PITPNM2: variants seen among roughly 807,000 people sequenced by gnomAD.
PITPNM2 encodes phosphatidylinositol transfer protein membrane associated 2, also known as membrane-associated phosphatidylinositol transfer protein 2.
In PITPNM2, 35 loss-of-function variants were observed where a neutral mutation model predicts 132.2. That is an observed-to-expected ratio of 0.26 (90% CI 0.20 to 0.35). PITPNM2 has a LOEUF of 0.35. Ranked by LOEUF, PITPNM2 falls within the 10% of genes least tolerant of loss-of-function variation. PITPNM2 has a pLI of 1.00. For missense variants in PITPNM2, 1,332 were observed against 1,912.0 expected (o/e 0.70, Z 5.66); for synonymous variants, 738 against 799.2 (o/e 0.92, Z 1.29).
intron 2 of PITPNM2, among the ~76,000 whole-genome samples, chr12:123,066,542 A>T (rs2041422223): frequency 6.6e-6 from 1 of 152,138 alleles, no homozygotes; most frequent in Non-Finnish European, 1.5e-5. Flanking sequence ...CTCTGAGACA[A>T]GCACAGACTG....
chr12:123,125,355 A>T (rs1039259388), intron 1 of PITPNM2, among the ~76,000 whole-genome samples: 3 of 152,208 alleles, frequency 2.0e-5, no homozygotes, highest in Non-Finnish European at 4.4e-5. Context: ...AGGTAGAAGC[A>T]AAAACAAATA....
Position 123,013,823 on chromosome 12 carries a change from C to A in PITPNM2, c.293+5G>T. The A allele has an allele frequency of 6.2e-7, 1 of 1,613,108 alleles. No homozygotes were observed. The highest frequency in any genetic ancestry group is 1.1e-5 in the South Asian group (1 of 91,068). On this transcript the variant is annotated splice_donor_5th_base_variant and intron_variant, in intron 4 of 25. Coordinates refer to ENST00000320201, the MANE Select transcript of PITPNM2 (RefSeq NM_020845.3). The stretch of plus-strand genomic sequence containing the variant: ...GGAGGCACATGGAGGCCAAAGCAGG[C>A]GCACCTGGTTCGGGTGTAGGGGTAG...
At chr12:123,052,808 A>T (rs2040906737) in intron 2 of PITPNM2, among the ~76,000 whole-genome samples, 1 of 149,598 alleles carries the variant, frequency 6.7e-6, no homozygotes. Flanking sequence ...TTTTAAGTGA[A>T]ACCAGCCTGT....
At chr12:123,076,699 C>T (rs2041801788) in intron 2 of PITPNM2, among the ~76,000 whole-genome samples, 2 of 152,212 alleles carry the variant, frequency 1.3e-5, no homozygotes, top group Admixed American at 1.3e-4. Flanking sequence ...TCAGAGTTGA[C>T]TATGGGTTCC....
At chr12:123,101,580 C>T (rs1192453843) in intron 2 of PITPNM2, among the ~76,000 whole-genome samples, 2 of 152,204 alleles carry the variant, frequency 1.3e-5, no homozygotes, top group East Asian at 3.8e-4. Flanking sequence ...TTTATTTTTA[C>T]GTCCAGCACA....
Position 123,053,630 on chromosome 12 carries a change from T to C in PITPNM2, c.-95-18945A>G, listed in dbSNP as rs563973698. On this transcript the variant is annotated intron_variant, in intron 2 of 25. Transcript: ENST00000320201. ...TTGCCCAGCCTGGAGTGCAATGGCG[T>C]GATCTCGGCTCACCAAAACCTCCAC... Among the ~76,000 whole-genome samples, 20 of 148,200 alleles carry C rather than the reference T, an allele frequency of 1.3e-4. 1 individual carries two copies. The South Asian group carries it at 3.4e-3, about 25-fold the overall frequency.
At chr12:123,042,297 G>C (rs2040510487) in intron 2 of PITPNM2, among the ~76,000 whole-genome samples, 1 of 152,172 alleles carries the variant, frequency 6.6e-6, no homozygotes, top group African/African-American at 2.4e-5. Context: ...ATGTGATGAA[G>C]ACTTAAAGTG....
At position 123,004,126 on chromosome 12, in the gene PITPNM2, C is replaced by T. The variant is rs984032512; in HGVS notation, c.1048+268G>A. 2.6e-5 allele frequency among the ~76,000 whole-genome samples: 4 copies of T among 152,124 alleles called. No homozygotes were observed. Among genetic ancestry groups the T allele is most frequent in the African/African-American group, 9.7e-5 (4 of 41,408 alleles). ...GTATCCTTATTTGGGGTTTCAAGAG[C>T]GCAGTCCCCATCTGCCAGGCCCACA... On this transcript the variant is annotated intron_variant, in intron 8 of 25. Transcript: ENST00000320201. The surrounding 1 kb of genome is among the most constrained non-coding windows in gnomAD (Gnocchi z 4.9).
At chr12:123,116,708 T>C (rs2042943148) in intron 1 of PITPNM2, among the ~76,000 whole-genome samples, 1 of 149,768 alleles carries the variant, frequency 6.7e-6, no homozygotes, top group South Asian at 2.1e-4. Flanking sequence ...GGTGGCAGCC[T>C]GGATGCTTCT....
Position 123,022,390 on chromosome 12 carries a change from A to G in PITPNM2, c.79-8348T>C, listed in dbSNP as rs1339440567. ...TCAGACACCAGCGCTCCTCGTGCAC[A>G]CTAGGGCTGAGACTCAGATAGCGGC... is the stretch of plus-strand genomic sequence containing the variant. On this transcript the variant is annotated intron_variant, in intron 3 of 25. Transcript: ENST00000320201. This position sits in a 1 kb window ranked among gnomAD's most constrained non-coding sequence, Gnocchi z 4.9. 6.6e-6 allele frequency among the ~76,000 whole-genome samples: 1 copy of G among 152,120 alleles called. No homozygotes were observed. The highest frequency in any genetic ancestry group is 1.5e-5 in the Non-Finnish European group (1 of 68,006).
rs2040274905 is a variant in PITPNM2 at position 123,036,556 on chromosome 12, T to A, written c.-95-1871A>T. On this transcript the variant is annotated intron_variant, in intron 2 of 25. Transcript: ENST00000320201. This position sits in a 1 kb window ranked among gnomAD's most constrained non-coding sequence, Gnocchi z 4.1. ...ACCCAATTCTCACATCCAGTTGCTT[T>A]AAATATAGTCCAAGTGAAGCTCTTT... Among the ~76,000 whole-genome samples, 1 of 152,210 alleles carries A rather than the reference T, an allele frequency of 6.6e-6. No individual in the cohort carries two copies. Among genetic ancestry groups the A allele is most frequent in the Admixed American group, 6.5e-5 (1 of 15,288 alleles).
chr12:123,112,681 G>A (rs1292541885), intron 1 of PITPNM2, among the ~76,000 whole-genome samples: 1 of 151,956 alleles, frequency 6.6e-6, no homozygotes, highest in Non-Finnish European at 1.5e-5. Context: ...TGGGACTACG[G>A]CGACTGCCAC....
upstream of PITPNM2, among the ~76,000 whole-genome samples, chr12:123,151,377 C>T (rs986847229): frequency 1.3e-5 from 2 of 152,082 alleles, no homozygotes; most frequent in South Asian, 4.1e-4. Flanking sequence ...GCCCACCGTC[C>T]GCAGCAGCCG....
At chr12:123,003,764 G>A (rs1440651447) in intron 8 of PITPNM2, among the ~76,000 whole-genome samples, 1 of 152,198 alleles carries the variant, frequency 6.6e-6, no homozygotes, top group Non-Finnish European at 1.5e-5. Flanking sequence ...CCACTGGCTT[G>A]CAGAGGGACC....
intron 2 of PITPNM2, among the ~76,000 whole-genome samples, chr12:123,073,131 C>G (rs2041665188): frequency 6.6e-6 from 1 of 152,266 alleles, no homozygotes; most frequent in African/African-American, 2.4e-5. Flanking sequence ...CGTTAAGGTA[C>G]AAACCCTCTG....
intron 2 of PITPNM2, among the ~76,000 whole-genome samples, chr12:123,109,742 G>A (rs1478246190): frequency 6.6e-6 from 1 of 152,108 alleles, no homozygotes; most frequent in Admixed American, 6.6e-5. Context: ...AGCCTCAAGA[G>A]CAAACAGAAA....
At chr12:123,131,080 C>G (rs184566593) in intron 1 of PITPNM2, among the ~76,000 whole-genome samples, 52 of 152,298 alleles carry the variant, frequency 3.4e-4, no homozygotes, top group African/African-American at 1.2e-3. Context: ...ATTCATTCAA[C>G]AAATATGGAG....
At chr12:123,121,836 T>C (rs1290787397) in intron 1 of PITPNM2, among the ~76,000 whole-genome samples, 1 of 152,048 alleles carries the variant, frequency 6.6e-6, no homozygotes, top group East Asian at 1.9e-4. Context: ...TGGACTACCA[T>C]GCCCAGCCCA....
intron 6 of PITPNM2, among the ~76,000 whole-genome samples, chr12:123,007,225 A>G (rs2038972631): frequency 6.6e-6 from 1 of 152,116 alleles, no homozygotes; most frequent in Non-Finnish European, 1.5e-5. Flanking sequence ...AGTTTTGTCC[A>G]TGGATGCACG....
Sources: allele counts gnomAD v4.1 joint callset (sites outside exome capture counted in the v4.1 genomes callset), GRCh38; gene constraint gnomAD v4.1.1; non-coding constraint Gnocchi (gnomAD v3.1); transcripts MANE v1.5; gene names NCBI Gene and HGNC (gene_info 2026-07-23, HGNC 2026-07-21).